Variants in CSMD1 observed in about 807,000 individuals in gnomAD.
The protein encoded by CSMD1 is CUB and sushi domain-containing protein 1.
A neutral mutation model predicts 417.5 loss-of-function variants in CSMD1; 213 were observed. The ratio of observed to expected loss-of-function variants is 0.51; its 90% CI spans 0.46 to 0.57. The LOEUF (loss-of-function observed/expected upper bound fraction) is 0.57. Ranked by LOEUF, CSMD1 falls within the 20% of genes least tolerant of loss-of-function variation. The probability of loss-of-function intolerance (pLI) is 0.00; values close to 1 mark genes in which losing one functional copy is unlikely to be tolerated. For synonymous variants in CSMD1, 2,862 were observed against 1,736.8 expected, an observed-to-expected ratio of 1.65 and a Z score of -16.11; for missense variants, 6,923 against 4,529.7, an observed-to-expected ratio of 1.53 and a Z score of -15.17.
chr8:4,782,808 A>G (rs545065445), intron 1 of CSMD1, among the ~76,000 whole-genome samples: 2 of 152,148 alleles, frequency 1.3e-5, no homozygotes, highest in Non-Finnish European at 2.9e-5. Context: ...CTATTTTCAC[A>G]TGGTCCACCA....
intron 1 of CSMD1, among the ~76,000 whole-genome samples, chr8:4,708,237 A>C (rs1164172997): frequency 6.6e-6 from 1 of 152,192 alleles, no homozygotes; most frequent in Non-Finnish European, 1.5e-5. Flanking sequence ...GGCATGAGCC[A>C]CTGCATCTGG....
intron 11 of CSMD1, among the ~76,000 whole-genome samples, chr8:3,481,871 G>C (rs1026588162): frequency 6.6e-6 from 1 of 152,116 alleles, no homozygotes; most frequent in Non-Finnish European, 1.5e-5. Flanking sequence ...ACCTGACTTG[G>C]ACTTCTGGTT....
At chr8:4,220,374 G>C (rs1241818188) in intron 3 of CSMD1, among the ~76,000 whole-genome samples, 2 of 152,170 alleles carry the variant, frequency 1.3e-5, no homozygotes, top group Non-Finnish European at 2.9e-5. Flanking sequence ...ACCATGAGGA[G>C]GACCCACAGA....
intron 2 of CSMD1, among the ~76,000 whole-genome samples, chr8:4,431,578 G>A (rs949133891): frequency 3.3e-5 from 5 of 152,078 alleles, no homozygotes; most frequent in African/African-American, 1.2e-4. Flanking sequence ...TCAAAACTTT[G>A]CTCTGAGGCT....
chr8:4,741,273 A>G (rs372538454), intron 1 of CSMD1, among the ~76,000 whole-genome samples: 1 of 152,176 alleles, frequency 6.6e-6, no homozygotes, highest in African/African-American at 2.4e-5. Flanking sequence ...CTTTGTGAAA[A>G]TTTATTATAT....
At chr8:4,193,811 G>A (rs78324779) in intron 3 of CSMD1, among the ~76,000 whole-genome samples, 4,552 of 152,114 alleles carry the variant, frequency 0.03, 247 homozygotes, top group African/African-American at 0.1. Flanking sequence ...ATGGCGAGAA[G>A]AGCAGGAAAA....
At chr8:4,790,336 C>G (rs960597758) in intron 1 of CSMD1, among the ~76,000 whole-genome samples, 3 of 152,132 alleles carry the variant, frequency 2.0e-5, no homozygotes, top group Non-Finnish European at 2.9e-5. Flanking sequence ...ATGACACAAA[C>G]TAATGGAAAA....
At chr8:3,005,681 T>C (rs1807829081) in intron 52 of CSMD1, among the ~76,000 whole-genome samples, 1 of 152,168 alleles carries the variant, frequency 6.6e-6, no homozygotes. Flanking sequence ...CACATGATTA[T>C]CTCGATAGAT....
chr8:3,656,648 C>A (rs193300060), intron 7 of CSMD1, among the ~76,000 whole-genome samples: 248 of 152,284 alleles, frequency 1.6e-3, no homozygotes, highest in African/African-American at 5.7e-3. Flanking sequence ...AGGCTTTAGG[C>A]CAGGCGTGGT....
chr8:3,678,202 G>A (rs1362827334), intron 7 of CSMD1, among the ~76,000 whole-genome samples: 2 of 152,182 alleles, frequency 1.3e-5, no homozygotes, highest in Non-Finnish European at 2.9e-5. Context: ...ACTTTGATGA[G>A]CTGAGAGAAG....
intron 11 of CSMD1, among the ~76,000 whole-genome samples, chr8:3,483,682 A>G (rs1204057532): frequency 6.6e-6 from 1 of 152,158 alleles, no homozygotes; most frequent in Non-Finnish European, 1.5e-5. Flanking sequence ...GCAGTACAAA[A>G]AAGAAAGAGA....
intron 5 of CSMD1, among the ~76,000 whole-genome samples, chr8:3,970,204 C>G (rs1195354824): frequency 6.6e-6 from 1 of 152,088 alleles, no homozygotes; most frequent in Non-Finnish European, 1.5e-5. Flanking sequence ...CTTTCTTTTA[C>G]AAACTAAATG....
At chr8:4,827,043 G>A (rs138879970) in intron 1 of CSMD1, among the ~76,000 whole-genome samples, 18 of 152,014 alleles carry the variant, frequency 1.2e-4, no homozygotes, top group Admixed American at 9.8e-4. Flanking sequence ...ATCCATGGAT[G>A]GCTAACAGAC....
intron 2 of CSMD1, among the ~76,000 whole-genome samples, chr8:4,520,210 G>A (rs538261597): frequency 6.6e-6 from 1 of 152,116 alleles, no homozygotes; most frequent in Non-Finnish European, 1.5e-5. Context: ...GTGGCAGAAA[G>A]ATTCTTGTCC....
chr8:4,333,274 T>C (rs117368188), intron 3 of CSMD1, among the ~76,000 whole-genome samples: 2,776 of 152,224 alleles, frequency 0.018, 37 homozygotes, highest in Middle Eastern at 0.034. Context: ...ATCCTGACGC[T>C]AAGTCCTCAC....
intron 17 of CSMD1, among the ~76,000 whole-genome samples, chr8:3,395,725 G>C (rs751872600): frequency 6.6e-6 from 1 of 152,108 alleles, no homozygotes; most frequent in African/African-American, 2.4e-5. Flanking sequence ...TTCGCCTCTT[G>C]TTACCTGACT....
chr8:4,327,925 C>G (rs1313389779), intron 3 of CSMD1, among the ~76,000 whole-genome samples: 1 of 152,148 alleles, frequency 6.6e-6, no homozygotes, highest in Admixed American at 6.6e-5. Flanking sequence ...TTGCTCACCA[C>G]ATAATTGGCA....
At chr8:4,724,520 A>ATGTGTGTG (rs66498850) in intron 1 of CSMD1, among the ~76,000 whole-genome samples, 34 of 145,308 alleles carry the variant, frequency 2.3e-4, no homozygotes, top group African/African-American at 8.0e-4. Flanking sequence ...TTATATATAT[A>ATGTGTGTG]TGTGTGTGTG....
At chr8:4,228,251 G>A (rs974265036) in intron 3 of CSMD1, among the ~76,000 whole-genome samples, 2 of 152,166 alleles carry the variant, frequency 1.3e-5, no homozygotes, top group African/African-American at 4.8e-5. Flanking sequence ...TTGCCTTCCT[G>A]TCATCCTTTC....
Sources: gnomAD v4.1 joint callset for allele counts (sites outside exome capture counted in the v4.1 genomes callset) on GRCh38, gnomAD v4.1.1 for gene constraint, MANE v1.5 for transcripts, NCBI Gene and HGNC (gene_info 2026-07-23, HGNC 2026-07-21) for gene names.